The following USP35 variants were observed in gnomAD, a reference collection of about 807,000 sequenced individuals.
USP35 encodes ubiquitin carboxyl-terminal hydrolase 35.
In USP35, 69 loss-of-function variants were observed where a neutral mutation model predicts 83.8. That is an observed-to-expected ratio of 0.82 (90% CI 0.68 to 1.01). The LOEUF (loss-of-function observed/expected upper bound fraction) is 1.01, where lower values mean the gene tolerates loss of function less well. USP35 is among the 50% of genes least tolerant of loss of function. USP35 has a pLI of 0.00. For missense variants in USP35, 1,503 were observed against 1,362.5 expected (o/e 1.10, Z -1.62); for synonymous variants, 714 against 589.5 (o/e 1.21, Z -3.06).
rs754326706 is a variant in USP35 at position 78,213,679 on chromosome 11, T to C, written c.2923T>C (p.Tyr975His). 35 of 1,512,314 alleles carry C rather than the reference T, an allele frequency of 2.3e-5. No homozygotes were observed. The highest frequency in any genetic ancestry group is 1.4e-5 in the Non-Finnish European group (16 of 1,138,538). The allele number at this position is 1,512,314 out of a possible 1,614,324, so 93.7% of individuals were successfully genotyped here. Residue 975 changes from tyrosine (Y) to histidine (H), a missense_variant, in exon 11 of 11, where the codon TAC becomes CAC. By Grantham distance (83) the Tyr-to-His change is moderately conservative. Coordinates refer to ENST00000529308, the MANE Select transcript of USP35 (RefSeq NM_020798.4). ...QEKEARSRAAYISALPTSPHW... is the reference protein window; with the variant it reads ...QEKEARSRAAHISALPTSPHW... Reference sequence around the variant, plus strand: ...GAAGGAGGCCCGGAGCAGGGCGGCCTACATCTCTGCACTCCCCACATCTCC... The same window carrying C: ...GAAGGAGGCCCGGAGCAGGGCGGCCCACATCTCTGCACTCCCCACATCTCC...
At position 78,210,068 on chromosome 11, in the gene USP35, C is replaced by T. The variant is rs556091535; in HGVS notation, c.2213C>T (p.Ala738Val). The T allele has an allele frequency of 4.3e-4, 687 of 1,613,858 alleles. 6 individuals are homozygous for T. In the South Asian group the frequency reaches 6.9e-3, roughly 16 times the overall value. The change falls in exon 10 of 11, where the codon GCG becomes GTG. Residue 738 changes from alanine to valine, a missense_variant. By Grantham distance (64) the Ala-to-Val change is moderately conservative (BLOSUM62 0). Transcript: ENST00000529308. ...EQEKEEDSLG[A>V]GTHPDAAIPS... ...GAAAAGGAAGAAGACAGCCTGGGAG[C>T]GGGGACCCACCCGGATGCTGCCATC...
Position 78,210,026 on chromosome 11 carries a change from A to C in USP35, c.2171A>C (p.Glu724Ala), listed in dbSNP as rs1403638261. 1.9e-6 allele frequency: 3 copies of C among 1,613,640 alleles called. No individual in the cohort carries two copies. The African/African-American group carries it at 4.0e-5, about 22-fold the overall frequency. The change falls in exon 10 of 11, where the codon GAA becomes GCA. Residue 724 changes from glutamate to alanine, a missense_variant. By Grantham distance (107) the Glu-to-Ala change is moderately radical (BLOSUM62 -1). Transcript: ENST00000529308. ...EEEEKVEKETEKEAEQEKEED... is the reference protein window; with the variant it reads ...EEEEKVEKETAKEAEQEKEED... ...GAAGAGAAGGTGGAGAAGGAGACAGAAAAGGAGGCTGAGCAGGAAAAGGAA... is the reference window on the plus strand; with the variant it reads ...GAAGAGAAGGTGGAGAAGGAGACAGCAAAGGAGGCTGAGCAGGAAAAGGAA...
At chr11:78,225,490 T>C in the USP35 span, among the ~76,000 whole-genome samples, 6,683 of 152,276 alleles carry the variant, frequency 0.044, 460 homozygotes, top group African/African-American at 0.15. Context: ...CCTGTCCTGC[T>C]CACCCCAGCC....
chr11:78,222,260 T>G, the USP35 span: 1 of 990,440 alleles, frequency 1.0e-6, no homozygotes, highest in East Asian at 2.4e-5. Flanking sequence ...ACACACCTTA[T>G]ATATAACACA....
At chr11:78,223,997 G>A in the USP35 span, among the ~76,000 whole-genome samples, 8 of 152,120 alleles carry the variant, frequency 5.3e-5, no homozygotes, top group Admixed American at 1.3e-4. Context: ...CACGAGAATC[G>A]CTTGAAGCTG....
At chr11:78,198,917 A>C (rs1441390822) in intron 3 of USP35, 1 of 156,248 alleles carries the variant, frequency 6.4e-6, no homozygotes, top group Admixed American at 6.5e-5. Context: ...GCTGTGGGAG[A>C]CGCCGTTATC....
chr11:78,220,557 A>G, the USP35 span: 33 of 820,694 alleles, frequency 4.0e-5, no homozygotes, highest in African/African-American at 5.5e-4. Flanking sequence ...ACTCTGACAC[A>G]TGCACCATGC....
chr11:78,220,296 C>T, the USP35 span: 7 of 1,611,268 alleles, frequency 4.3e-6, no homozygotes, highest in African/African-American at 1.3e-5. Flanking sequence ...CTCTTACTGC[C>T]CCCCCAACTC....
chr11:78,231,170 G>A, the USP35 span, among the ~76,000 whole-genome samples: 62 of 152,172 alleles, frequency 4.1e-4, 1 homozygote, highest in Admixed American at 3.8e-3. Context: ...ACACAAGCAC[G>A]TATGGGAGCT....
At chr11:78,224,878 G>A in the USP35 span, among the ~76,000 whole-genome samples, 1 of 152,006 alleles carries the variant, frequency 6.6e-6, no homozygotes, top group Non-Finnish European at 1.5e-5. Context: ...CAAGGTTGGT[G>A]AACCTTGTAA....
At chr11:78,206,677 T>C (rs1312225583) in intron 7 of USP35, among the ~76,000 whole-genome samples, 1 of 152,212 alleles carries the variant, frequency 6.6e-6, no homozygotes, top group Non-Finnish European at 1.5e-5. Flanking sequence ...ATATTACTTT[T>C]GTAAAATATA....
In USP35 at chr11:78,196,706, G is replaced by C. The variant is rs1863158653; in HGVS notation, c.461G>C (p.Cys154Ser). 1 of 1,524,830 alleles carries C rather than the reference G, an allele frequency of 6.6e-7. No homozygotes were observed. Among genetic ancestry groups the C allele is most frequent in the African/African-American group, 1.4e-5 (1 of 71,794 alleles). 94.5% of individuals were successfully genotyped at this position (1,524,830 alleles called of 1,614,324 possible). A position where few individuals can be genotyped will look rare whatever the true frequency, so the allele number is the denominator to read the frequency against. The change falls in exon 2 of 11, where the codon TGT becomes TCT. Residue 154 changes from cysteine (C) to serine (S), a missense_variant. Physicochemically the swap from Cys to Ser is moderately radical, Grantham distance 112. Coordinates refer to ENST00000529308, the MANE Select transcript of USP35 (RefSeq NM_020798.4). This position sits in a 1 kb window ranked among gnomAD's most constrained non-coding sequence, Gnocchi z 4.8. ...VARLLARHPRCVPDGPHRLLF... is the reference protein window; with the variant it reads ...VARLLARHPRSVPDGPHRLLF... ...CGGCTGCTGGCTCGCCACCCGCGCT[G>C]TGTGCCCGACGGACCCCACCGCCTG... is the stretch of plus-strand genomic sequence containing the variant.
Position 78,214,388 on chromosome 11 carries a change from G to GGGGGGC in USP35, c.*576_*577insGGGGCG. 7.5e-6 allele frequency: 1 copy of GGGGGGC among 132,508 alleles called. No homozygotes were observed. The highest frequency in any genetic ancestry group is 1.7e-5 in the Non-Finnish European group (1 of 59,332). 8.2% of individuals were successfully genotyped at this position (132,508 alleles called of 1,614,324 possible). A position where few individuals can be genotyped will look rare whatever the true frequency, so the allele number is the denominator to read the frequency against. ...GCCACTGCATGGTTTTGGGGGGGGGGGCGGGGGGCTAGCTTCTCACAGCAG... is the reference window on the plus strand; with the variant it reads ...GCCACTGCATGGTTTTGGGGGGGGGGGGGGGCGCGGGGGGCTAGCTTCTCACAGCAG... On this transcript the variant is annotated 3_prime_UTR_variant, in exon 11 of 11. Transcript: ENST00000529308.
the USP35 span, among the ~76,000 whole-genome samples, chr11:78,224,714 G>T: frequency 6.6e-6 from 1 of 152,114 alleles, no homozygotes; most frequent in Non-Finnish European, 1.5e-5. Context: ...CCATAATTCT[G>T]CCACTTAGCC....
Position 78,214,130 on chromosome 11 carries a change from C to T in USP35, c.*317C>T. 3.6e-6 allele frequency: 1 copy of T among 278,158 alleles called. No homozygotes were observed. Among genetic ancestry groups the T allele is most frequent in the Non-Finnish European group, 6.7e-6 (1 of 149,760 alleles). The allele number at this position is 278,158 out of a possible 1,614,324, so 17.2% of individuals were successfully genotyped here. ...CCATGCGGGAAGATCTGATGATGTTCAGGAAACAGGCTAGACCTCAGCTCC... is the reference window on the plus strand; with the variant it reads ...CCATGCGGGAAGATCTGATGATGTTTAGGAAACAGGCTAGACCTCAGCTCC... On this transcript the variant is annotated 3_prime_UTR_variant, in exon 11 of 11. Transcript: ENST00000529308.
chr11:78,225,267 C>T, the USP35 span: 2 of 1,059,466 alleles, frequency 1.9e-6, no homozygotes, highest in Non-Finnish European at 2.9e-6. Flanking sequence ...TTACCCATAC[C>T]CTCACCAGTG....
downstream of USP35, chr11:78,217,221 A>C: frequency 6.6e-6 from 1 of 152,392 alleles, no homozygotes; most frequent in Non-Finnish European, 1.5e-5. Flanking sequence ...TCTGATGGCC[A>C]TCACCACTGT....
At chr11:78,211,803 T>G (rs1432918635) in intron 10 of USP35, among the ~76,000 whole-genome samples, 1 of 152,244 alleles carries the variant, frequency 6.6e-6, no homozygotes, top group Non-Finnish European at 1.5e-5. Flanking sequence ...GGTTGTTTTT[T>G]TCTTGGACAT....
At chr11:78,212,114 G>A (rs1863806062) in intron 10 of USP35, among the ~76,000 whole-genome samples, 1 of 151,910 alleles carries the variant, frequency 6.6e-6, no homozygotes, top group Admixed American at 6.6e-5. Context: ...TGAATTTTTT[G>A]TATAAGGTAT....
Sources: gnomAD v4.1 joint callset for allele counts (sites outside exome capture counted in the v4.1 genomes callset) on GRCh38, gnomAD v4.1.1 for gene constraint, Gnocchi (gnomAD v3.1) non-coding constraint, MANE v1.5 for transcripts, NCBI Gene and HGNC (gene_info 2026-07-23, HGNC 2026-07-21) for gene names.